Variants in CLEC2D observed in about 807,000 individuals in gnomAD.
CLEC2D encodes the protein C-type lectin related f.
Under a neutral mutation model 20.0 loss-of-function variants are expected in CLEC2D, and 16 were observed. The ratio of observed to expected loss-of-function variants is 0.80; its 90% CI spans 0.54 to 1.22. The LOEUF (loss-of-function observed/expected upper bound fraction) is 1.22. Ranked by LOEUF, CLEC2D falls within the 50% of genes most tolerant of loss-of-function variation. The pLI is 0.00. For missense variants in CLEC2D, 207 were observed against 221.5 expected (o/e 0.93, Z 0.42); for synonymous variants, 77 against 71.1 (o/e 1.08, Z -0.42).
rs1294569989 is a variant in CLEC2D at position 9,687,904 on chromosome 12, A to G, written c.175A>G (p.Ile59Val). The G allele has an allele frequency of 1.3e-6, 2 of 1,518,948 alleles. No homozygotes were observed. Among genetic ancestry groups the G allele is most frequent in the Non-Finnish European group, 8.8e-7 (1 of 1,133,692 alleles). 94.1% of individuals were successfully genotyped at this position (1,518,948 alleles called of 1,614,324 possible). The change falls in exon 3 of 5, where the codon ATA (isoleucine) becomes GTA (valine). Residue 59 changes from isoleucine (I) to valine (V), a missense_variant and splice_region_variant. Physicochemically the swap from Ile to Val is conservative, Grantham distance 29. Coordinates refer to ENST00000290855, the MANE Select transcript of CLEC2D (RefSeq NM_013269.6). ...VCGMVAALSAIRANCHQEPSV... is the reference protein window; with the variant it reads ...VCGMVAALSAVRANCHQEPSV... ...ATTTATTTTTATTTTATTTTCAGCA[A>G]TAAGAGCTAACTGCCATCAAGAGCC... is the stretch of plus-strand genomic sequence containing the variant.
rs1865905084 is a variant in CLEC2D at position 9,693,200 on chromosome 12, C to T, written c.461+269C>T. On this transcript the variant is annotated intron_variant, in intron 4 of 4. Coordinates refer to ENST00000290855, the MANE Select transcript of CLEC2D (RefSeq NM_013269.6). Reference sequence around the variant, plus strand: ...TCATTTTAAGCAAACCATACAATATCTTTAAGTCTGTTCCTTACCTCCACA... The same window carrying T: ...TCATTTTAAGCAAACCATACAATATTTTTAAGTCTGTTCCTTACCTCCACA... 3.1e-6 allele frequency: 3 copies of T among 971,852 alleles called. No individual in the cohort carries two copies. In the African/African-American group the frequency reaches 4.8e-5, roughly 16 times the overall value. 60.2% of individuals were successfully genotyped at this position (971,852 alleles called of 1,614,324 possible).
chr12:9,695,888 A>G lies in CLEC2D; in HGVS notation c.*1014A>G. 9.1e-7 allele frequency: 1 copy of G among 1,100,940 alleles called. No homozygotes were observed. Among genetic ancestry groups the G allele is most frequent in the Non-Finnish European group, 1.4e-6 (1 of 726,374 alleles). The allele number at this position is 1,100,940 out of a possible 1,614,324, so 68.2% of individuals were successfully genotyped here. A position where few individuals can be genotyped will look rare whatever the true frequency, so the allele number is the denominator to read the frequency against. Reference sequence around the variant, plus strand: ...GATGATGATGAAGATGATGATGATGATGATGACGAGGAAGCTGAAGAAAAA... The same window carrying G: ...GATGATGATGAAGATGATGATGATGGTGATGACGAGGAAGCTGAAGAAAAA... On this transcript the variant is annotated 3_prime_UTR_variant, in exon 5 of 5. Coordinates refer to ENST00000290855, the MANE Select transcript of CLEC2D (RefSeq NM_013269.6).
rs1456985850 is a variant in CLEC2D at position 9,695,278 on chromosome 12, G to A, written c.*404G>A. On this transcript the variant is annotated 3_prime_UTR_variant, in exon 5 of 5. Transcript: ENST00000290855. ...CATCAGATATCTTGAGACAAGAACA[G>A]TATGGGGCTCCCTGGTGTGATTCCG... 2.3e-5 allele frequency: 16 copies of A among 702,238 alleles called. No individual in the cohort carries two copies. The highest frequency in any genetic ancestry group is 1.6e-4 in the East Asian group (6 of 38,170). 43.5% of individuals were successfully genotyped at this position (702,238 alleles called of 1,614,324 possible). A position where few individuals can be genotyped will look rare whatever the true frequency, so the allele number is the denominator to read the frequency against.
chr12:9,688,477 G>A (rs1013786235), intron 3 of CLEC2D, among the ~76,000 whole-genome samples: 1 of 152,158 alleles, frequency 6.6e-6, no homozygotes, highest in Non-Finnish European at 1.5e-5. Flanking sequence ...CAGCACTTTG[G>A]GAGGCCAAGG....
intron 1 of CLEC2D, among the ~76,000 whole-genome samples, chr12:9,671,225 A>T (rs1865414049): frequency 6.6e-6 from 1 of 151,840 alleles, no homozygotes; most frequent in Non-Finnish European, 1.5e-5. Flanking sequence ...TTGACTTTAG[A>T]TTTCTTTTCT....
At chr12:9,677,855 G>A (rs1346874641) in intron 1 of CLEC2D, among the ~76,000 whole-genome samples, 1 of 151,930 alleles carries the variant, frequency 6.6e-6, no homozygotes, top group African/African-American at 2.4e-5. Context: ...CTCCTGAGTA[G>A]CTGGGAATAC....
intron 2 of CLEC2D, among the ~76,000 whole-genome samples, chr12:9,685,663 A>G (rs924555976): frequency 5.3e-5 from 8 of 152,166 alleles, no homozygotes; most frequent in African/African-American, 1.9e-4. Context: ...GTGAGGGGAA[A>G]ATCACCTACT....
At chr12:9,677,891 A>T (rs1023905159) in intron 1 of CLEC2D, among the ~76,000 whole-genome samples, 1 of 151,740 alleles carries the variant, frequency 6.6e-6, no homozygotes, top group Non-Finnish European at 1.5e-5. Flanking sequence ...CACTTGGCTC[A>T]TTTTTGTCTT....
chr12:9,682,353 A>G (rs1294802794), intron 2 of CLEC2D, among the ~76,000 whole-genome samples: 2 of 152,162 alleles, frequency 1.3e-5, no homozygotes, highest in Non-Finnish European at 2.9e-5. Flanking sequence ...CTTTGTAGTT[A>G]TAGCTCTGGT....
chr12:9,693,695 C>T, intron 4 of CLEC2D: 3 of 338,566 alleles, frequency 8.9e-6, no homozygotes, highest in South Asian at 6.8e-5. Flanking sequence ...TGTATCTACA[C>T]TGCCTTGCAC....
At chr12:9,682,214 T>G (rs1565466815) in intron 2 of CLEC2D, among the ~76,000 whole-genome samples, 2 of 152,232 alleles carry the variant, frequency 1.3e-5, no homozygotes. Context: ...TGTGTTATTA[T>G]GTATTACTTT....
chr12:9,694,328 C>T (rs1471258287), intron 4 of CLEC2D, among the ~76,000 whole-genome samples: 2 of 152,104 alleles, frequency 1.3e-5, no homozygotes, highest in Non-Finnish European at 2.9e-5. Flanking sequence ...GCCATCTAAA[C>T]TCAGCTAAAT....
In CLEC2D at chr12:9,684,929, G is replaced by A. The variant is rs191015188; in HGVS notation, c.173-2973G>A. Among the ~76,000 whole-genome samples the A allele has an allele frequency of 2.4e-3, 370 of 152,192 alleles. 2 individuals carry two copies. Among genetic ancestry groups the A allele is most frequent in the Non-Finnish European group, 3.2e-3 (220 of 68,004 alleles). On this transcript the variant is annotated intron_variant, in intron 2 of 4. Transcript: ENST00000290855. ...AGGGAGAATTCCTTCTTTTTCTATT[G>A]TTTGGAATAATTTCAGAAGGAATGG...
intron 1 of CLEC2D, among the ~76,000 whole-genome samples, chr12:9,675,065 G>A (rs1865494558): frequency 1.3e-5 from 2 of 151,974 alleles, no homozygotes; most frequent in African/African-American, 2.4e-5. Context: ...TGAAAAGACT[G>A]TCTTTTCTTA....
At chr12:9,688,382 C>G (rs1193419354) in intron 3 of CLEC2D, among the ~76,000 whole-genome samples, 1 of 152,032 alleles carries the variant, frequency 6.6e-6, no homozygotes, top group Non-Finnish European at 1.5e-5. Flanking sequence ...TGGTAGAAAC[C>G]CAGTTTTAAG....
rs376137077 is a variant in CLEC2D at position 9,669,770 on chromosome 12, A to G, written c.36A>G (p.Thr12=). The change falls in exon 1 of 5, where the codon ACA becomes ACG. Residue 12 remains threonine, a synonymous_variant. Transcript: ENST00000290855. ...GTAACAATGTGGAGAAAGACATTAC[A>G]CCATCTGAATTGCCTGCAAACCCAG... is the stretch of plus-strand genomic sequence containing the variant. ...HDSNNVEKDI[T]PSELPANPGC... 3 of 1,613,772 alleles carry G rather than the reference A, an allele frequency of 1.9e-6. No individual in the cohort carries two copies. Among genetic ancestry groups the G allele is most frequent in the East Asian group, 4.5e-5 (2 of 44,880 alleles).
intron 1 of CLEC2D, among the ~76,000 whole-genome samples, chr12:9,674,960 A>G (rs1317611801): frequency 1.3e-5 from 2 of 152,154 alleles, no homozygotes; most frequent in Non-Finnish European, 2.9e-5. Flanking sequence ...CTTTAGGACT[A>G]TGATACATTT....
chr12:9,671,791 G>A (rs1046149965), intron 1 of CLEC2D, among the ~76,000 whole-genome samples: 4 of 152,184 alleles, frequency 2.6e-5, no homozygotes, highest in African/African-American at 9.7e-5. Flanking sequence ...AGTGATACTA[G>A]AGGAGGGAAA....
intron 1 of CLEC2D, among the ~76,000 whole-genome samples, chr12:9,678,049 T>C (rs1865560593): frequency 6.6e-6 from 1 of 152,198 alleles, no homozygotes; most frequent in African/African-American, 2.4e-5. Flanking sequence ...AATAGAGTGT[T>C]GTTGAAATCT....
Sources: gnomAD v4.1 joint callset for allele counts (sites outside exome capture counted in the v4.1 genomes callset) on GRCh38, gnomAD v4.1.1 for gene constraint, MANE v1.5 for transcripts, NCBI Gene and HGNC (gene_info 2026-07-23, HGNC 2026-07-21) for gene names.